Variants in SWT1 observed in about 807,000 individuals in gnomAD.
The protein encoded by SWT1 is transcriptional protein SWT1.
SWT1 carries 33 observed loss-of-function variants against 107.3 expected under a neutral mutation model. The observed-to-expected ratio is 0.31, with a 90% CI of 0.23 to 0.41. SWT1 has a LOEUF of 0.41. Among genes scored for constraint, SWT1 ranks in the 10% least tolerant of loss-of-function variants. The pLI is 1.00. For synonymous variants in SWT1, 345 were observed against 348.3 expected (o/e 0.99, Z 0.11); for missense variants, 898 against 1,028.9 (o/e 0.87, Z 1.74).
chr1:185,280,959 TG>T (rs1664580209), intron 18 of SWT1: 1 of 478,528 alleles, frequency 2.1e-6, no homozygotes. Flanking sequence ...GGTGTGCTAT[TG>T]GGGTCATGGC....
chr1:185,263,528 G>A (rs1465127407), intron 16 of SWT1: 13 of 152,142 alleles, frequency 8.5e-5, no homozygotes, highest in East Asian at 1.9e-4. Flanking sequence ...TTATCTACAC[G>A]GACTCACTAG....
Position 185,281,371 on chromosome 1 carries a change from C to G in SWT1, c.2573+4703C>G, listed in dbSNP as rs762715260. 3.3e-4 allele frequency: 79 copies of G among 236,552 alleles called. 1 individual carries two copies. In the Middle Eastern group the frequency reaches 5.4e-3, roughly 16 times the overall value. 14.7% of individuals were successfully genotyped at this position (236,552 alleles called of 1,614,324 possible). ...AACATTTGAGCATGTGACTGTGAAACTGGAGCAGAGGAAGCTGAGGAAGTC... is the reference window on the plus strand; with the variant it reads ...AACATTTGAGCATGTGACTGTGAAAGTGGAGCAGAGGAAGCTGAGGAAGTC... On this transcript the variant is annotated intron_variant, in intron 18 of 18. Coordinates refer to ENST00000367500, the MANE Select transcript of SWT1 (RefSeq NM_017673.7).
At chr1:185,226,685 CA>C in intron 15 of SWT1, 3 of 433,250 alleles carry the variant, frequency 6.9e-6, no homozygotes, top group Non-Finnish European at 1.2e-5. Context: ...CAAACAAAAA[CA>C]AACAAACAAA....
intron 18 of SWT1, chr1:185,281,125 GAGAA>G (rs1404560370): frequency 4.0e-6 from 1 of 246,946 alleles, no homozygotes; most frequent in African/African-American, 2.3e-5. Flanking sequence ...ATAAATGCCA[GAGAA>G]AGAATATTTG....
At position 185,209,730 on chromosome 1, in the gene SWT1, G is replaced by T. The variant is rs142568688; in HGVS notation, c.1972+2967G>T. ...GGTAGAATGATTTATAATCCTTTGG[G>T]TATATACCCAGTAATGGGATTGCTG... On this transcript the variant is annotated intron_variant, in intron 13 of 18. Coordinates refer to ENST00000367500, the MANE Select transcript of SWT1 (RefSeq NM_017673.7). Among the ~76,000 whole-genome samples, 123 of 152,206 alleles carry T rather than the reference G, an allele frequency of 8.1e-4. No individual in the cohort carries two copies. The East Asian group carries it at 0.017, about 22-fold the overall frequency.
intron 16 of SWT1, among the ~76,000 whole-genome samples, chr1:185,247,458 T>C (rs1194577185): frequency 2.6e-5 from 4 of 152,252 alleles, no homozygotes; most frequent in Non-Finnish European, 4.4e-5. Context: ...TCTAGACTTA[T>C]ATCTGCTCTT....
chr1:185,162,066 G>A (rs1226950255), intron 2 of SWT1, among the ~76,000 whole-genome samples: 1 of 152,036 alleles, frequency 6.6e-6, no homozygotes, highest in African/African-American at 2.4e-5. Context: ...ATTTGGTCTC[G>A]CAGGTATAGC....
intron 10 of SWT1, among the ~76,000 whole-genome samples, chr1:185,200,477 T>C (rs1280936732): frequency 1.3e-5 from 2 of 152,210 alleles, no homozygotes. Context: ...CCTTTCTGTT[T>C]GTTGGTTTTC....
intron 16 of SWT1, among the ~76,000 whole-genome samples, chr1:185,270,974 T>C (rs1385951653): frequency 1.3e-5 from 2 of 152,244 alleles, no homozygotes; most frequent in African/African-American, 2.4e-5. Context: ...TTAAAAGATA[T>C]GAAGTATAAA....
Position 185,228,521 on chromosome 1 carries a change from C to T in SWT1, c.2310-3056C>T, listed in dbSNP as rs956202579. Among the ~76,000 whole-genome samples, 3 of 151,732 alleles carry T rather than the reference C, an allele frequency of 2.0e-5. No individual in the cohort carries two copies. In the East Asian group the frequency reaches 5.8e-4, roughly 29 times the overall value. The stretch of plus-strand genomic sequence containing the variant: ...TGGGCAACTGAGCAAGACACTGTCT[C>T]AAAAAAAGATACATTTTCAAGTGAA... On this transcript the variant is annotated intron_variant, in intron 15 of 18. Transcript: ENST00000367500.
At chr1:185,258,527 G>C (rs1241026691) in intron 16 of SWT1, among the ~76,000 whole-genome samples, 1 of 151,888 alleles carries the variant, frequency 6.6e-6, no homozygotes, top group Non-Finnish European at 1.5e-5. Flanking sequence ...ATCTTTTAAT[G>C]GTAAATATAC....
At chr1:185,256,714 C>T (rs1478518374) in intron 16 of SWT1, among the ~76,000 whole-genome samples, 2 of 151,084 alleles carry the variant, frequency 1.3e-5, no homozygotes, top group African/African-American at 4.9e-5. Context: ...AACTTCTTTG[C>T]CTTTGGTTTG....
chr1:185,196,579 G>A (rs1422340710), intron 10 of SWT1, among the ~76,000 whole-genome samples: 1 of 152,144 alleles, frequency 6.6e-6, no homozygotes, highest in African/African-American at 2.4e-5. Context: ...TTTGGGCATT[G>A]TGGCCATTTT....
chr1:185,248,662 C>G (rs981968293), intron 16 of SWT1, among the ~76,000 whole-genome samples: 3 of 151,782 alleles, frequency 2.0e-5, no homozygotes, highest in Non-Finnish European at 4.4e-5. Context: ...AGATACTAAT[C>G]TCTCTCCTCT....
chr1:185,171,662 T>C (rs1264134268), intron 4 of SWT1: 2 of 523,648 alleles, frequency 3.8e-6, no homozygotes, highest in African/African-American at 1.9e-5. Context: ...CAGAACCTGC[T>C]TCTTTTTTTT....
intron 18 of SWT1, among the ~76,000 whole-genome samples, chr1:185,280,351 C>A (rs982736232): frequency 6.6e-6 from 1 of 152,158 alleles, no homozygotes; most frequent in Non-Finnish European, 1.5e-5. Flanking sequence ...TTGGGCAGTT[C>A]TTTATAGCAG....
At chr1:185,279,514 T>A (rs895780932) in intron 18 of SWT1, among the ~76,000 whole-genome samples, 6 of 152,078 alleles carry the variant, frequency 3.9e-5, no homozygotes, top group African/African-American at 1.4e-4. Flanking sequence ...TAAAGAGAAA[T>A]CAAATATATT....
chr1:185,210,136 G>T (rs186257595), intron 13 of SWT1, among the ~76,000 whole-genome samples: 137 of 152,156 alleles, frequency 9.0e-4, no homozygotes, highest in Non-Finnish European at 1.4e-3. Flanking sequence ...TTGTCAGATC[G>T]ATAGATTGCA....
intron 10 of SWT1, among the ~76,000 whole-genome samples, chr1:185,194,817 AT>A (rs1454719940): frequency 2.0e-5 from 3 of 152,094 alleles, no homozygotes; most frequent in African/African-American, 4.8e-5. Context: ...TAACATATTA[AT>A]AAAAATTACT....
Sources: gnomAD v4.1 joint callset for allele counts (sites outside exome capture counted in the v4.1 genomes callset) on GRCh38, gnomAD v4.1.1 for gene constraint, MANE v1.5 for transcripts, NCBI Gene and HGNC (gene_info 2026-07-23, HGNC 2026-07-21) for gene names.